Variants in DOT1L observed in about 807,000 individuals in gnomAD.
DOT1L encodes the protein histone-lysine N-methyltransferase, H3 lysine-79 specific.
Under a neutral mutation model 153.3 loss-of-function variants are expected in DOT1L, and 33 were observed. The ratio of observed to expected loss-of-function variants is 0.22; its 90% CI spans 0.16 to 0.29. The LOEUF is 0.29. Ranked by LOEUF, DOT1L falls within the 10% of genes least tolerant of loss-of-function variation. The probability of loss-of-function intolerance (pLI) is 1.00; values close to 1 mark genes in which losing one functional copy is unlikely to be tolerated. For missense variants in DOT1L, 1,847 were observed against 2,119.9 expected (o/e 0.87, Z 2.53); for synonymous variants, 1,135 against 965.1 (o/e 1.18, Z -3.26).
rs565720167 is a variant in DOT1L, at chr19:2,197,596, T to A, written c.652-2288T>A. On this transcript the variant is annotated intron_variant, in intron 7 of 27. Transcript: ENST00000398665. The surrounding 1 kb of genome is among the most constrained non-coding windows in gnomAD (Gnocchi z 4.1). Reference sequence around the variant, plus strand: ...CATGACACGGCTGAGCAGCATGGTGTCTAGTGTGGCACAGGTGCTCCTGGC... The same window carrying A: ...CATGACACGGCTGAGCAGCATGGTGACTAGTGTGGCACAGGTGCTCCTGGC... 7.6e-4 allele frequency among the ~76,000 whole-genome samples: 116 copies of A among 152,278 alleles called. 1 individual carries two copies. The highest frequency in any genetic ancestry group is 2.6e-3 in the African/African-American group (108 of 41,568).
At chr19:2,165,382 G>A (rs1221529477) in intron 1 of DOT1L, among the ~76,000 whole-genome samples, 2 of 152,154 alleles carry the variant, frequency 1.3e-5, no homozygotes, top group Admixed American at 1.3e-4. Flanking sequence ...TCACTGCCCC[G>A]GGTCGGTGCG....
At position 2,184,658 on chromosome 19, in the gene DOT1L, C is replaced by T. The variant is rs750551336; in HGVS notation, c.126-1197C>T. Among the ~76,000 whole-genome samples the T allele has an allele frequency of 9.2e-5, 14 of 152,274 alleles. No individual in the cohort carries two copies. In the South Asian group the frequency reaches 1.2e-3, roughly 14 times the overall value. On this transcript the variant is annotated intron_variant, in intron 2 of 27. Transcript: ENST00000398665. ...TGACTGGTCCCGTGCCCTTTCCAAG[C>T]GGAAGGCGTGTCCTTCCATTTCTGG... is the stretch of plus-strand genomic sequence containing the variant.
chr19:2,229,799 T>C lies in DOT1L; in HGVS notation c.*7T>C. On this transcript the variant is annotated 3_prime_UTR_variant, in exon 28 of 28. Coordinates refer to ENST00000398665, the MANE Select transcript of DOT1L (RefSeq NM_032482.3). ...CCCTTCTGCAGGTAACTAGGATTTC[T>C]ACCTCAACCGCGAGACCTATGCAAG... is the stretch of plus-strand genomic sequence containing the variant. The C allele has an allele frequency of 6.2e-7, 1 of 1,613,278 alleles. No individual in the cohort carries two copies. The highest frequency in any genetic ancestry group is 8.5e-7 in the Non-Finnish European group (1 of 1,179,928).
chr19:2,201,121 G>GCATTCCTCGTCCTCCCCT (rs2023258388), intron 8 of DOT1L, among the ~76,000 whole-genome samples: 1 of 104,936 alleles, frequency 9.5e-6, no homozygotes, highest in Non-Finnish European at 1.9e-5. Flanking sequence ...CGTCCTCCCC[G>GCATTCCTCGTCCTCCCCT]CATTCCTCGT....
intron 22 of DOT1L, among the ~76,000 whole-genome samples, chr19:2,219,896 C>G (rs2024046876): frequency 6.6e-6 from 1 of 152,226 alleles, no homozygotes; most frequent in Admixed American, 6.5e-5. Context: ...GCCCGCTGCC[C>G]ATTCACACGC....
Position 2,217,068 on chromosome 19 carries a change from C to T in DOT1L, c.2522C>T (p.Ala841Val), listed in dbSNP as rs2144873150. ...RPLSPGALQL[A>V]GEKSSEKGLR... ...CTGTCCCCTGGGGCCTTGCAGCTTGCTGGAGAGAAGAGCAGTGAGAAGGTG... is the reference window on the plus strand; with the variant it reads ...CTGTCCCCTGGGGCCTTGCAGCTTGTTGGAGAGAAGAGCAGTGAGAAGGTG... Residue 841 changes from alanine to valine, a missense_variant, in exon 21 of 28, where the codon GCT becomes GTT. Physicochemically the swap from Ala to Val is moderately conservative, Grantham distance 64. Transcript: ENST00000398665. The surrounding 1 kb of genome is among the most constrained non-coding windows in gnomAD (Gnocchi z 7.3). The T allele has an allele frequency of 2.5e-6, 4 of 1,608,440 alleles. No homozygotes were observed. Among genetic ancestry groups the T allele is most frequent in the East Asian group, 2.2e-5 (1 of 44,736 alleles).
intron 1 of DOT1L, among the ~76,000 whole-genome samples, chr19:2,169,562 C>T (rs1219379483): frequency 1.3e-5 from 2 of 152,026 alleles, no homozygotes; most frequent in Admixed American, 6.6e-5. Context: ...GGCCCAATCT[C>T]GGCTCACTGC....
intron 25 of DOT1L, among the ~76,000 whole-genome samples, chr19:2,224,346 T>C (rs1415585178): frequency 6.6e-6 from 1 of 152,202 alleles, no homozygotes; most frequent in Non-Finnish European, 1.5e-5. Context: ...CCTGCCACCA[T>C]GGGTGCACGA....
At chr19:2,213,406 G>T in intron 16 of DOT1L, 133 bp from the exon 17 acceptor site, 1 of 836,708 alleles carries the variant, frequency 1.2e-6, no homozygotes, top group Non-Finnish European at 1.9e-6. Flanking sequence ...ATCTCAGCCC[G>T]GTGTGGGTCC....
chr19:2,229,259 G>C, intron 27 of DOT1L: 1 of 985,476 alleles, frequency 1.0e-6, no homozygotes, highest in Non-Finnish European at 1.2e-6. Context: ...GGCCACCCGT[G>C]CCCTCCAGGG....
At chr19:2,186,597 G>A (rs991214120) in intron 3 of DOT1L, among the ~76,000 whole-genome samples, 1 of 152,190 alleles carries the variant, frequency 6.6e-6, no homozygotes, top group African/African-American at 2.4e-5. Context: ...AGGGCCACGC[G>A]GCTGCACTTT....
rs1271144663 is a variant in DOT1L at position 2,231,176 on chromosome 19, G to A, written c.*1384G>A. ...TGGCTCTGTGCCCTCCCTGGAGGAT[G>A]GGATCTGGGAGTCTGAGCTCCCCGC... On this transcript the variant is annotated 3_prime_UTR_variant, in exon 28 of 28. Transcript: ENST00000398665. 8.8e-6 allele frequency: 2 copies of A among 227,698 alleles called. No homozygotes were observed. Among genetic ancestry groups the A allele is most frequent in the Non-Finnish European group, 1.7e-5 (2 of 114,656 alleles). The allele number at this position is 227,698 out of a possible 1,614,324, so 14.1% of individuals were successfully genotyped here. A position where few individuals can be genotyped will look rare whatever the true frequency, so the allele number is the denominator to read the frequency against.
Position 2,207,958 on chromosome 19 carries a change from C to T in DOT1L, c.963+278C>T, listed in dbSNP as rs1223652938. 6.6e-6 allele frequency among the ~76,000 whole-genome samples: 1 copy of T among 152,104 alleles called. No individual in the cohort carries two copies. The highest frequency in any genetic ancestry group is 1.9e-4 in the East Asian group (1 of 5,186). On this transcript the variant is annotated intron_variant, in intron 11 of 27. Transcript: ENST00000398665. This position sits in a 1 kb window ranked among gnomAD's most constrained non-coding sequence, Gnocchi z 4.5. ...CTCAGCTCCTGGGGTGGGGCGGGGCCATCAGAGTGATGTGTGACCATAAGG... is the reference window on the plus strand; with the variant it reads ...CTCAGCTCCTGGGGTGGGGCGGGGCTATCAGAGTGATGTGTGACCATAAGG...
chr19:2,225,727 G>A (rs1344180051), intron 26 of DOT1L, among the ~76,000 whole-genome samples: 1 of 152,200 alleles, frequency 6.6e-6, no homozygotes, highest in Non-Finnish European at 1.5e-5. Flanking sequence ...TGGCTGACCT[G>A]CGGGGATCGT....
At chr19:2,189,836 A>G in intron 4 of DOT1L, 41 bp downstream of exon 4, 1 of 1,605,520 alleles carries the variant, frequency 6.2e-7, no homozygotes. Context: ...TAGTAGTGCC[A>G]GGCTCCCGGA....
At chr19:2,225,153 C>T (rs986417582) in intron 25 of DOT1L, among the ~76,000 whole-genome samples, 1 of 152,206 alleles carries the variant, frequency 6.6e-6, no homozygotes, top group African/African-American at 2.4e-5. Flanking sequence ...CTTGTCCCAG[C>T]AGAGGCCCTG....
In DOT1L at chr19:2,207,004, C is replaced by A. The variant is rs1179390219; in HGVS notation, c.856+207C>A. On this transcript the variant is annotated intron_variant, in intron 10 of 27. Transcript: ENST00000398665. The surrounding 1 kb of genome is among the most constrained non-coding windows in gnomAD (Gnocchi z 4.5). The stretch of plus-strand genomic sequence containing the variant: ...CAGGAGCACCCCTGGTCGCGACAAC[C>A]ACACACGTCCCCATAGAGCACTGTG... Among the ~76,000 whole-genome samples, 2 of 152,218 alleles carry A rather than the reference C, an allele frequency of 1.3e-5. No individual in the cohort carries two copies. The highest frequency in any genetic ancestry group is 4.8e-5 in the African/African-American group (2 of 41,448).
rs1340075396 is a variant in DOT1L, at chr19:2,221,987, G to A, written c.2818G>A (p.Ala940Thr). 2.5e-6 allele frequency: 4 copies of A among 1,607,404 alleles called. No individual in the cohort carries two copies. The highest frequency in any genetic ancestry group is 1.1e-5 in the South Asian group (1 of 90,592). The change falls in exon 24 of 28, where the codon GCT (alanine) becomes ACT (threonine). Residue 940 changes from alanine to threonine, a missense_variant. Physicochemically the swap from Ala to Thr is moderately conservative, Grantham distance 58. This residue lies in a region of DOT1L where 68 missense variants were observed against 80.7 expected (regional missense o/e 0.84). Transcript: ENST00000398665. ...LALAPAGFSYAGSVAISGALA... is the reference protein window; with the variant it reads ...LALAPAGFSYTGSVAISGALA... ...GTCCTTCCCGGCAGGCTTCTCCTAC[G>A]CTGGCTCGGTGGCCATCAGCGGGGC... is the stretch of plus-strand genomic sequence containing the variant.
rs1027341883 is a variant in DOT1L, at chr19:2,208,331, G to A, written c.964-604G>A. On this transcript the variant is annotated intron_variant, in intron 11 of 27. Transcript: ENST00000398665. The surrounding 1 kb of genome is among the most constrained non-coding windows in gnomAD (Gnocchi z 4.4). ...TTGGGGTAGCGGTGGTTTTCCTTAC[G>A]GTGGTGCTGGTGTGTCTGCACCCTC... Among the ~76,000 whole-genome samples the A allele has an allele frequency of 2.0e-5, 3 of 152,086 alleles. No homozygotes were observed. Among genetic ancestry groups the A allele is most frequent in the Non-Finnish European group, 1.5e-5 (1 of 67,994 alleles).
Sources: allele counts gnomAD v4.1 joint callset (sites outside exome capture counted in the v4.1 genomes callset), GRCh38; gene constraint gnomAD v4.1.1; regional missense constraint gnomAD v4.1.1; non-coding constraint Gnocchi (gnomAD v3.1); transcripts MANE v1.5; gene names NCBI Gene and HGNC (gene_info 2026-07-23, HGNC 2026-07-21).